KATNIP: variants seen among roughly 807,000 people sequenced by gnomAD.
KATNIP encodes the protein katanin interacting protein.
KATNIP carries 126 observed loss-of-function variants against 174.0 expected under a neutral mutation model. The observed-to-expected ratio is 0.72, with a 90% confidence interval of 0.63 to 0.84. The LOEUF (loss-of-function observed/expected upper bound fraction) is 0.84, where lower values mean the gene tolerates loss of function less well. KATNIP is among the 40% of genes least tolerant of loss of function. The probability of loss-of-function intolerance (pLI) is 0.00; values close to 1 mark genes in which losing one functional copy is unlikely to be tolerated. For missense variants in KATNIP, 1,958 were observed against 2,109.7 expected (o/e 0.93, Z 1.41); for synonymous variants, 810 against 835.7 (o/e 0.97, Z 0.53).
intron 2 of KATNIP, among the ~76,000 whole-genome samples, chr16:27,588,200 T>C (rs1363344879): frequency 1.3e-5 from 2 of 152,024 alleles, no homozygotes; most frequent in African/African-American, 4.8e-5. Context: ...AGCATTTTTT[T>C]TCTATGCAAC....
At chr16:27,592,873 C>T (rs763307555) in intron 2 of KATNIP, among the ~76,000 whole-genome samples, 3 of 152,102 alleles carry the variant, frequency 2.0e-5, no homozygotes, top group African/African-American at 7.2e-5. Context: ...TTATTTCTTA[C>T]AGCAGCTCTA....
At chr16:27,736,558 G>C (rs2080904286) in intron 14 of KATNIP, among the ~76,000 whole-genome samples, 1 of 152,222 alleles carries the variant, frequency 6.6e-6, no homozygotes, top group Non-Finnish European at 1.5e-5. Flanking sequence ...ATCTGCGGCA[G>C]AACACGCCAG....
intron 19 of KATNIP, among the ~76,000 whole-genome samples, chr16:27,764,527 C>T (rs966411859): frequency 6.6e-6 from 1 of 152,218 alleles, no homozygotes; most frequent in Non-Finnish European, 1.5e-5. Flanking sequence ...CTCCAAGAAG[C>T]CCTGGTTCCT....
intron 15 of KATNIP, among the ~76,000 whole-genome samples, chr16:27,745,165 A>C (rs1000585446): frequency 6.6e-6 from 1 of 152,206 alleles, no homozygotes; most frequent in Non-Finnish European, 1.5e-5. Flanking sequence ...TCATCAGTCC[A>C]GTTTGAGCAG....
Position 27,749,671 on chromosome 16 carries a change from G to T in KATNIP, c.2711G>T (p.Ser904Ile). Residue 904 changes from serine to isoleucine, a missense_variant, in exon 16 of 28, where the codon AGT becomes ATT. Ser to Ile is a moderately radical substitution (Grantham distance 142, BLOSUM62 -2). Around this residue, in one of 3 missense-constraint regions of KATNIP, gnomAD observed 1,557 missense variants for 1,617.8 expected, o/e 0.96. Transcript: ENST00000261588. The stretch of plus-strand genomic sequence containing the variant: ...CTTCACGAGTCATGGAGCTCCCTCA[G>T]TGCCTTCGACCGCTCCCACCGGGGA... Reference protein sequence around the residue: ...HTLHESWSSLSAFDRSHRGRI... With the variant: ...HTLHESWSSLIAFDRSHRGRI... The T allele has an allele frequency of 1.2e-6, 2 of 1,611,798 alleles. No homozygotes were observed. Among genetic ancestry groups the T allele is most frequent in the Non-Finnish European group, 1.7e-6 (2 of 1,178,836 alleles).
At chr16:27,634,593 C>A (rs1248761082) in intron 5 of KATNIP, among the ~76,000 whole-genome samples, 2 of 152,166 alleles carry the variant, frequency 1.3e-5, no homozygotes, top group African/African-American at 4.8e-5. Flanking sequence ...CCTGCTGGGA[C>A]AGCGCTATGA....
At chr16:27,749,558 C>T in intron 15 of KATNIP, 26 bp from the exon 16 acceptor site, 1 of 1,517,372 alleles carries the variant, frequency 6.6e-7, no homozygotes, top group Non-Finnish European at 8.8e-7. Flanking sequence ...CACAGGGCTT[C>T]CCCCCTCTTG....
intron 2 of KATNIP, among the ~76,000 whole-genome samples, chr16:27,594,916 G>A (rs2075290426): frequency 6.6e-6 from 1 of 152,192 alleles, no homozygotes; most frequent in Admixed American, 6.5e-5. Flanking sequence ...ACTCAGCACA[G>A]AGCAATCAGT....
At chr16:27,713,915 C>T (rs2079805586) in intron 13 of KATNIP, among the ~76,000 whole-genome samples, 1 of 140,156 alleles carries the variant, frequency 7.1e-6, no homozygotes. Flanking sequence ...CTTCTGGTTA[C>T]CCTTGGAAAT....
chr16:27,618,359 C>T, intron 2 of KATNIP, 66 bp from the exon 3 acceptor site: 4 of 1,257,730 alleles, frequency 3.2e-6, no homozygotes, highest in Non-Finnish European at 4.7e-6. Flanking sequence ...GTGTGTGCTG[C>T]ACCTGCACTC....
chr16:27,693,313 C>T (rs947606113), intron 8 of KATNIP, among the ~76,000 whole-genome samples: 2 of 152,216 alleles, frequency 1.3e-5, no homozygotes, highest in African/African-American at 4.8e-5. Flanking sequence ...CTCCTTACCT[C>T]TCTGTCCTCA....
Position 27,766,416 on chromosome 16 carries a change from G to A in KATNIP, c.3917G>A (p.Ser1306Asn), listed in dbSNP as rs372850881. 7.4e-6 allele frequency: 12 copies of A among 1,614,120 alleles called. No homozygotes were observed. In the African/African-American group the frequency reaches 9.3e-5, roughly 13 times the overall value. The change falls in exon 20 of 28, where the codon AGC (serine) becomes AAC (asparagine). Residue 1306 changes from serine (S) to asparagine (N), a missense_variant. Coordinates refer to ENST00000261588, the MANE Select transcript of KATNIP (RefSeq NM_015202.5). ...ACGATCCGCCTGGACAGGGCCGAAA[G>A]CATCGCAGGCCTGCGCTTCTGGAAC... ...VVTIRLDRAE[S>N]IAGLRFWNYN...
chr16:27,576,743 C>G (rs765563389), intron 2 of KATNIP, among the ~76,000 whole-genome samples: 2 of 152,186 alleles, frequency 1.3e-5, no homozygotes, highest in Non-Finnish European at 2.9e-5. Context: ...ATCCTATGCC[C>G]TCTCTCCTGA....
intron 8 of KATNIP, among the ~76,000 whole-genome samples, chr16:27,693,442 GC>G (rs1442848586): frequency 6.6e-6 from 1 of 152,142 alleles, no homozygotes; most frequent in Non-Finnish European, 1.5e-5. Flanking sequence ...AGGCTGGAGT[GC>G]CGTGGCATGA....
intron 16 of KATNIP, among the ~76,000 whole-genome samples, chr16:27,751,116 C>G (rs376837154): frequency 8.5e-5 from 13 of 152,194 alleles, no homozygotes; most frequent in East Asian, 5.8e-4. Flanking sequence ...CTGTCTTGGT[C>G]CGGCCCCTAG....
chr16:27,680,400 G>T (rs536666009), intron 7 of KATNIP, among the ~76,000 whole-genome samples: 1 of 152,288 alleles, frequency 6.6e-6, no homozygotes, highest in South Asian at 2.1e-4. Flanking sequence ...AAAAGCAGGG[G>T]ACCTGACAGT....
intron 5 of KATNIP, chr16:27,632,560 C>A: frequency 2.2e-6 from 1 of 451,400 alleles, no homozygotes; most frequent in Non-Finnish European, 4.5e-6. Context: ...GACACGGAAA[C>A]CCTCACTGTG....
At chr16:27,571,869 G>A (rs1015851978) in intron 1 of KATNIP, among the ~76,000 whole-genome samples, 3 of 152,230 alleles carry the variant, frequency 2.0e-5, no homozygotes, top group Admixed American at 2.0e-4. Context: ...AGCCAGAGCC[G>A]TGTGGTCAAG....
chr16:27,721,765 C>T, intron 14 of KATNIP, 70 bp downstream of exon 14: 1 of 1,555,606 alleles, frequency 6.4e-7, no homozygotes, highest in Non-Finnish European at 8.7e-7. Flanking sequence ...TGCCAATAGC[C>T]TGATTCCTAA....
Sources: gnomAD v4.1 joint callset for allele counts (sites outside exome capture counted in the v4.1 genomes callset) on GRCh38, gnomAD v4.1.1 for gene constraint, gnomAD v4.1.1 regional missense constraint, MANE v1.5 for transcripts, NCBI Gene and HGNC (gene_info 2026-07-23, HGNC 2026-07-21) for gene names.